The following CPT1A variants were observed in gnomAD, a reference collection of about 807,000 sequenced individuals.
CPT1A encodes the protein carnitine palmitoyltransferase 1A.
Under a neutral mutation model 100.8 loss-of-function variants are expected in CPT1A, and 64 were observed. The observed-to-expected ratio is 0.63, with a 90% confidence interval of 0.52 to 0.78. The LOEUF is 0.78. Ranked by LOEUF, CPT1A falls within the 30% of genes least tolerant of loss-of-function variation. The pLI, the probability that CPT1A is intolerant of heterozygous loss-of-function variation, is 0.00. For missense variants in CPT1A, 802 were observed against 1,034.1 expected, an observed-to-expected ratio of 0.78 and a Z score of 3.08; for synonymous variants, 363 against 396.0, an observed-to-expected ratio of 0.92 and a Z score of 0.99.
At chr11:68,833,235 A>C (rs1856924010) in intron 1 of CPT1A, among the ~76,000 whole-genome samples, 1 of 152,230 alleles carries the variant, frequency 6.6e-6, no homozygotes, top group Non-Finnish European at 1.5e-5. Context: ...GTTCCCTAGA[A>C]CTAGCACACA....
chr11:68,805,690 A>G (rs1268280257), intron 4 of CPT1A, among the ~76,000 whole-genome samples: 1 of 152,240 alleles, frequency 6.6e-6, no homozygotes, highest in African/African-American at 2.4e-5. Flanking sequence ...CGGCAGACCC[A>G]CGGATCAGCC....
chr11:68,812,796 C>A (rs1856255375), intron 2 of CPT1A, among the ~76,000 whole-genome samples: 1 of 152,108 alleles, frequency 6.6e-6, no homozygotes, highest in Non-Finnish European at 1.5e-5. Context: ...TACTTCCGAG[C>A]CAAAACCCAC....
rs138298042 is a variant in CPT1A, at chr11:68,792,908, G to A, written c.967+407C>T. 3.1e-3 allele frequency among the ~76,000 whole-genome samples: 471 copies of A among 152,252 alleles called. 1 individual carries two copies. Among genetic ancestry groups the A allele is most frequent in the Non-Finnish European group, 5.0e-3 (338 of 68,030 alleles). ...TATAAAAAATGCAAAAATTAGCCAG[G>A]CATGATGCATGTGCCTGTGGTCTCA... On this transcript the variant is annotated intron_variant, in intron 9 of 18. Coordinates refer to ENST00000265641, the MANE Select transcript of CPT1A (RefSeq NM_001876.4).
intron 1 of CPT1A, among the ~76,000 whole-genome samples, chr11:68,834,132 G>A (rs553298501): frequency 1.1e-4 from 16 of 152,278 alleles, no homozygotes; most frequent in African/African-American, 2.9e-4. Flanking sequence ...ATAATGGGTC[G>A]TCAGGTTATA....
At chr11:68,774,490 T>G (rs1026459612) in intron 13 of CPT1A, among the ~76,000 whole-genome samples, 1 of 151,722 alleles carries the variant, frequency 6.6e-6, no homozygotes, top group Non-Finnish European at 1.5e-5. Flanking sequence ...TTGCCCAGGC[T>G]GGAGTGCAGT....
At chr11:68,794,692 T>C in intron 8 of CPT1A, 112 bp downstream of exon 8, 3 of 947,692 alleles carry the variant, frequency 3.2e-6, no homozygotes, top group South Asian at 2.7e-5. Flanking sequence ...ATTACAGGCG[T>C]GAGACCCTGT....
chr11:68,835,529 T>C (rs1856988278), intron 1 of CPT1A, among the ~76,000 whole-genome samples: 1 of 152,258 alleles, frequency 6.6e-6, no homozygotes, highest in Non-Finnish European at 1.5e-5. Context: ...GGACATTGTT[T>C]GCTAGAGCCT....
intron 1 of CPT1A, among the ~76,000 whole-genome samples, chr11:68,816,863 TGTGTG>T (rs1304625950): frequency 1.5e-5 from 2 of 135,988 alleles, no homozygotes; most frequent in Non-Finnish European, 3.1e-5. Flanking sequence ...GTGGTGTGTG[TGTGTG>T]GTGTACATGT....
chr11:68,805,898 C>T (rs918796589), intron 4 of CPT1A, among the ~76,000 whole-genome samples: 3 of 152,324 alleles, frequency 2.0e-5, no homozygotes, highest in Non-Finnish European at 4.4e-5. Flanking sequence ...AGATGGTACA[C>T]GGGGCACACA....
intron 4 of CPT1A, 48 bp from the exon 5 acceptor site, chr11:68,804,149 A>C (rs1355080236): frequency 6.9e-7 from 1 of 1,440,310 alleles, no homozygotes; most frequent in Non-Finnish European, 9.8e-7. Context: ...ACTACTCTGA[A>C]GGCACCTGTT....
chr11:68,785,610 T>TAA (rs11376032), intron 9 of CPT1A: 4,619 of 122,118 alleles, frequency 0.038, 236 homozygotes, highest in African/African-American at 0.11. Flanking sequence ...ATATTATCAT[T>TAA]AAAAAAAAAA....
At chr11:68,797,026 A>G in intron 6 of CPT1A, 93 bp from the exon 7 acceptor site, 1 of 1,252,182 alleles carries the variant, frequency 8.0e-7, no homozygotes, top group Non-Finnish European at 1.2e-6. Flanking sequence ...AAGGGCAGGC[A>G]GTGCTTTTGG....
intron 9 of CPT1A, among the ~76,000 whole-genome samples, chr11:68,789,310 C>A (rs886666249): frequency 4.6e-5 from 7 of 152,054 alleles, no homozygotes; most frequent in African/African-American, 1.7e-4. Flanking sequence ...TGATGGGATC[C>A]TCCGGTGGGG....
chr11:68,781,412 G>A (rs1261953290), intron 11 of CPT1A, among the ~76,000 whole-genome samples: 4 of 152,142 alleles, frequency 2.6e-5, no homozygotes, highest in African/African-American at 9.7e-5. Flanking sequence ...TTGAGATCAG[G>A]AGTTCATAAC....
intron 12 of CPT1A, among the ~76,000 whole-genome samples, chr11:68,775,820 C>T (rs1039286404): frequency 1.3e-5 from 2 of 152,188 alleles, no homozygotes; most frequent in African/African-American, 4.8e-5. Context: ...AATTCTTGCC[C>T]TTCCTTAAAA....
Position 68,820,644 on chromosome 11 carries a change from T to G in CPT1A, c.-13-5157A>C, listed in dbSNP as rs190788105. 2.0e-5 allele frequency among the ~76,000 whole-genome samples: 3 copies of G among 152,218 alleles called. No individual in the cohort carries two copies. The East Asian group carries it at 5.8e-4, about 30-fold the overall frequency. ...TTTCAGTGAGCTGAGATTGCACCACTGCACTTCAGCCTGGGGTACAGAGTG... is the reference window on the plus strand; with the variant it reads ...TTTCAGTGAGCTGAGATTGCACCACGGCACTTCAGCCTGGGGTACAGAGTG... On this transcript the variant is annotated intron_variant, in intron 1 of 18. Transcript: ENST00000265641.
In CPT1A at chr11:68,841,234, C is replaced by A. The variant is rs1447122758; in HGVS notation, c.-14+541G>T. 6.6e-6 allele frequency among the ~76,000 whole-genome samples: 1 copy of A among 152,052 alleles called. No homozygotes were observed. The highest frequency in any genetic ancestry group is 1.5e-5 in the Non-Finnish European group (1 of 67,982). On this transcript the variant is annotated intron_variant, in intron 1 of 18. Transcript: ENST00000265641. This position sits in a 1 kb window ranked among gnomAD's most constrained non-coding sequence, Gnocchi z 6.3. Reference sequence around the variant, plus strand: ...CCAACCCACGGGCGGACCCCCAGACCCAATCCTCTCCAGAGCCAGGGTGGG... The same window carrying A: ...CCAACCCACGGGCGGACCCCCAGACACAATCCTCTCCAGAGCCAGGGTGGG...
chr11:68,823,490 T>TA (rs1249792051), intron 1 of CPT1A, among the ~76,000 whole-genome samples: 1 of 151,858 alleles, frequency 6.6e-6, no homozygotes, highest in Non-Finnish European at 1.5e-5. Flanking sequence ...TCAGCAGCCA[T>TA]AAAAAAGAAT....
rs1186244631 is a variant in CPT1A at position 68,785,014 on chromosome 11, A to G, written c.968-4T>C. The G allele has an allele frequency of 1.2e-6, 2 of 1,613,154 alleles. No individual in the cohort carries two copies. The highest frequency in any genetic ancestry group is 1.7e-6 in the Non-Finnish European group (2 of 1,179,994). On this transcript the variant is annotated splice_polypyrimidine_tract_variant and splice_region_variant and intron_variant, in intron 9 of 18. Transcript: ENST00000265641. Reference sequence around the variant, plus strand: ...TCTCTCATGTGCTGGATGGTGTCTGAGCCGGCCGCAGGTTGGAGACACAAA... The same window carrying G: ...TCTCTCATGTGCTGGATGGTGTCTGGGCCGGCCGCAGGTTGGAGACACAAA...
Sources: gnomAD v4.1 joint callset for allele counts (sites outside exome capture counted in the v4.1 genomes callset) on GRCh38, gnomAD v4.1.1 for gene constraint, Gnocchi (gnomAD v3.1) non-coding constraint, MANE v1.5 for transcripts, NCBI Gene and HGNC (gene_info 2026-07-23, HGNC 2026-07-21) for gene names.